MARCHF3: variants seen among roughly 807,000 people sequenced by gnomAD.
MARCHF3 encodes E3 ubiquitin-protein ligase MARCHF3.
In MARCHF3, 13 loss-of-function variants were observed where a neutral mutation model predicts 24.2. That is an observed-to-expected ratio of 0.54 (90% CI 0.35 to 0.85). The LOEUF is 0.85. Among genes scored for constraint, MARCHF3 ranks in the 40% least tolerant of loss-of-function variants. The pLI is 0.01. For synonymous variants in MARCHF3, 144 were observed against 137.3 expected (o/e 1.05, Z -0.34); for missense variants, 276 against 325.0 (o/e 0.85, Z 1.16).
chr5:126,913,618 G>A (rs1460363061), intron 3 of MARCHF3, among the ~76,000 whole-genome samples: 1 of 152,224 alleles, frequency 6.6e-6, no homozygotes, highest in Admixed American at 6.5e-5. Context: ...GCAAAGCATG[G>A]AGTGTATTGG....
chr5:126,953,796 C>A (rs913648626), intron 1 of MARCHF3, among the ~76,000 whole-genome samples: 1 of 152,160 alleles, frequency 6.6e-6, no homozygotes, highest in African/African-American at 2.4e-5. Flanking sequence ...TGTTCCTCCC[C>A]CTTTGTCTGC....
At position 126,984,953 on chromosome 5, in the gene MARCHF3, G is replaced by A. The variant is rs75598334; in HGVS notation, c.-57+45397C>T. Among the ~76,000 whole-genome samples the A allele has an allele frequency of 5.8e-3, 882 of 152,300 alleles. 46 individuals carry two copies. In the East Asian group the frequency reaches 0.14, roughly 24 times the overall value. On this transcript the variant is annotated intron_variant, in intron 1 of 4. Transcript: ENST00000308660. ...GACTCTAGTGGAAAGGTGGGAGCTGGGAGGCTGGGTGGGAGGCCTCAGAGG... is the reference window on the plus strand; with the variant it reads ...GACTCTAGTGGAAAGGTGGGAGCTGAGAGGCTGGGTGGGAGGCCTCAGAGG...
chr5:127,025,543 T>C (rs2126866721), intron 1 of MARCHF3, among the ~76,000 whole-genome samples: 1 of 152,290 alleles, frequency 6.6e-6, no homozygotes, highest in South Asian at 2.1e-4. Context: ...CTTCACTTTT[T>C]GCCCAGTTCT....
intron 1 of MARCHF3, among the ~76,000 whole-genome samples, chr5:127,018,145 C>T (rs1752685886): frequency 6.6e-6 from 1 of 152,146 alleles, no homozygotes. Flanking sequence ...CCAAGGCGGG[C>T]AGATCACCTG....
chr5:126,940,676 A>G (rs1749798036), intron 1 of MARCHF3, among the ~76,000 whole-genome samples: 1 of 151,786 alleles, frequency 6.6e-6, no homozygotes, highest in Non-Finnish European at 1.5e-5. Context: ...TAAACTCCTG[A>G]CCTCAAGCGA....
intron 1 of MARCHF3, among the ~76,000 whole-genome samples, chr5:127,005,133 C>CTTTTTT (rs937505290): frequency 8.2e-5 from 10 of 122,556 alleles, no homozygotes; most frequent in Non-Finnish European, 1.0e-4. Context: ...CTCAGAAAGT[C>CTTTTTT]TTTTTTTTTT....
chr5:127,022,993 C>A, intron 1 of MARCHF3, among the ~76,000 whole-genome samples: 1 of 152,198 alleles, frequency 6.6e-6, no homozygotes, highest in East Asian at 1.9e-4. Context: ...GGTAGTTAGG[C>A]TTAATTCAGC....
At chr5:126,902,843 C>A (rs562576143) in intron 3 of MARCHF3, among the ~76,000 whole-genome samples, 3 of 152,086 alleles carry the variant, frequency 2.0e-5, no homozygotes, top group South Asian at 4.1e-4. Flanking sequence ...CAGACAATGT[C>A]ATCTCCACTG....
At position 126,916,692 on chromosome 5, in the gene MARCHF3, G is replaced by GACAGACACAC. The variant is rs750408549; in HGVS notation, c.188+1291_188+1292insGTGTGTCTGT. Among the ~76,000 whole-genome samples, 88 of 130,560 alleles carry GACAGACACAC rather than the reference G, an allele frequency of 6.7e-4. No homozygotes were observed. In the East Asian group the frequency reaches 0.01, roughly 15 times the overall value. The allele number at this position is 130,560 out of a possible 152,430, so 85.7% of individuals were successfully genotyped here. On this transcript the variant is annotated intron_variant, in intron 2 of 4. Transcript: ENST00000308660. ...AAAATACCTGACAGACAGACAGACA[G>GACAGACACAC]ACACACACACACACACACACACACA...
intron 1 of MARCHF3, among the ~76,000 whole-genome samples, chr5:126,936,925 G>A (rs1277679094): frequency 1.3e-5 from 2 of 152,238 alleles, no homozygotes; most frequent in Non-Finnish European, 2.9e-5. Flanking sequence ...AGAAACAGCT[G>A]GTTCAGTAGG....
chr5:126,887,315 G>A (rs1159208071), intron 3 of MARCHF3, among the ~76,000 whole-genome samples: 2 of 152,124 alleles, frequency 1.3e-5, no homozygotes, highest in Non-Finnish European at 2.9e-5. Flanking sequence ...TCCATTGAGC[G>A]ATGCAGAAAA....
Position 126,915,138 on chromosome 5 carries a change from C to T in MARCHF3, c.189-4G>A. 1 of 1,612,842 alleles carries T rather than the reference C, an allele frequency of 6.2e-7. No individual in the cohort carries two copies. Among genetic ancestry groups the T allele is most frequent in the African/African-American group, 1.3e-5 (1 of 75,010 alleles). ...CATCGGCCGGTCATTGAAGGGGCTG[C>T]AAGAGAAGGAGGGGCACCTGCTGGT... is the stretch of plus-strand genomic sequence containing the variant. On this transcript the variant is annotated splice_region_variant and splice_polypyrimidine_tract_variant and intron_variant, in intron 2 of 4. Coordinates refer to ENST00000308660, the MANE Select transcript of MARCHF3 (RefSeq NM_178450.5).
intron 1 of MARCHF3, among the ~76,000 whole-genome samples, chr5:126,998,426 A>C (rs1410069054): frequency 1.3e-5 from 2 of 152,244 alleles, no homozygotes; most frequent in African/African-American, 4.8e-5. Context: ...ATCAAGAGTG[A>C]AACTGGAGAA....
intron 1 of MARCHF3, among the ~76,000 whole-genome samples, chr5:127,022,637 C>T (rs1752846201): frequency 6.6e-6 from 1 of 152,152 alleles, no homozygotes; most frequent in Non-Finnish European, 1.5e-5. Flanking sequence ...CTGGAACGTC[C>T]CTTGAGTCCT....
chr5:126,913,556 T>TGTCAAGTG (rs1484380229), intron 3 of MARCHF3, among the ~76,000 whole-genome samples: 1 of 152,218 alleles, frequency 6.6e-6, no homozygotes, highest in African/African-American at 2.4e-5. Context: ...TGAAAGTGGA[T>TGTCAAGTG]GTCAAGTGGC....
chr5:127,013,651 G>A (rs1242118604), intron 1 of MARCHF3, among the ~76,000 whole-genome samples: 1 of 152,048 alleles, frequency 6.6e-6, no homozygotes, highest in Non-Finnish European at 1.5e-5. Flanking sequence ...TGTCTCTGAT[G>A]CATAACATAA....
intron 3 of MARCHF3, among the ~76,000 whole-genome samples, chr5:126,914,135 C>T (rs968626605): frequency 1.3e-5 from 2 of 151,830 alleles, no homozygotes; most frequent in East Asian, 1.9e-4. Context: ...AGGCACCCGC[C>T]ACCATGCCCG....
chr5:126,873,984 G>A (rs750036429), intron 4 of MARCHF3, among the ~76,000 whole-genome samples: 4 of 152,112 alleles, frequency 2.6e-5, no homozygotes, highest in African/African-American at 7.2e-5. Flanking sequence ...ATAAGGCAGC[G>A]AGGAAAAAGA....
At chr5:126,903,741 A>T (rs962676870) in intron 3 of MARCHF3, among the ~76,000 whole-genome samples, 1 of 152,064 alleles carries the variant, frequency 6.6e-6, no homozygotes, top group Non-Finnish European at 1.5e-5. Context: ...TGGTTTCTTC[A>T]TAGCAGTTCA....
Sources: gnomAD v4.1 joint callset for allele counts (sites outside exome capture counted in the v4.1 genomes callset) on GRCh38, gnomAD v4.1.1 for gene constraint, MANE v1.5 for transcripts, NCBI Gene and HGNC (gene_info 2026-07-23, HGNC 2026-07-21) for gene names.